NT5DC1: variants seen among roughly 807,000 people sequenced by gnomAD.
NT5DC1 encodes 5'-nucleotidase domain containing 1, also known as 5'-nucleotidase domain-containing protein 1.
Under a neutral mutation model 59.4 loss-of-function variants are expected in NT5DC1, and 42 were observed. That is an observed-to-expected ratio of 0.71 (90% confidence interval 0.55 to 0.92). NT5DC1 has a LOEUF of 0.92. NT5DC1 is among the 40% of genes least tolerant of loss of function. NT5DC1 has a pLI of 0.00. For synonymous variants in NT5DC1, 172 were observed against 188.1 expected (o/e 0.91, Z 0.70); for missense variants, 501 against 537.1 (o/e 0.93, Z 0.66).
chr6:116,141,667 C>A (rs1051484440), intron 6 of NT5DC1, among the ~76,000 whole-genome samples: 2 of 151,582 alleles, frequency 1.3e-5, no homozygotes, highest in African/African-American at 4.8e-5. Context: ...CTGTGTAAAT[C>A]ATTAACAGAA....
At chr6:116,137,438 G>T (rs751626040) in intron 6 of NT5DC1, 1 of 162,322 alleles carries the variant, frequency 6.2e-6, no homozygotes, top group Non-Finnish European at 1.4e-5. Context: ...TCTCACTCAC[G>T]TAGTACACCT....
intron 4 of NT5DC1, among the ~76,000 whole-genome samples, chr6:116,114,560 G>A: frequency 6.8e-6 from 1 of 147,142 alleles, no homozygotes; most frequent in African/African-American, 2.5e-5. Flanking sequence ...AAAATCAGGT[G>A]ATTATAATGA....
chr6:116,183,128 G>T (rs1780924038), intron 6 of NT5DC1, among the ~76,000 whole-genome samples: 1 of 151,920 alleles, frequency 6.6e-6, no homozygotes, highest in Admixed American at 6.6e-5. Context: ...TGTTGAATAG[G>T]GTATCCTTTC....
intron 6 of NT5DC1, among the ~76,000 whole-genome samples, chr6:116,184,651 A>G (rs1017697107): frequency 3.9e-5 from 6 of 151,990 alleles, no homozygotes; most frequent in Middle Eastern, 6.3e-3. Flanking sequence ...CATCTCCTCT[A>G]GGTTTTCTAG....
At chr6:116,102,029 T>A (rs1257991924) in intron 1 of NT5DC1, among the ~76,000 whole-genome samples, 2 of 152,222 alleles carry the variant, frequency 1.3e-5, no homozygotes, top group Non-Finnish European at 2.9e-5. Flanking sequence ...AATAATTGGA[T>A]TTACCTCACA....
chr6:116,121,467 G>A (rs1338359461), intron 6 of NT5DC1: 6 of 1,613,946 alleles, frequency 3.7e-6, no homozygotes, highest in Non-Finnish European at 5.1e-6. Context: ...CCCACTCCAG[G>A]AGGGCCAGAT....
intron 6 of NT5DC1, among the ~76,000 whole-genome samples, chr6:116,187,542 G>A (rs181431675): frequency 4.9e-4 from 75 of 152,178 alleles, no homozygotes; most frequent in African/African-American, 1.5e-3. Flanking sequence ...TCACTGAACC[G>A]GAGATGCCAG....
chr6:116,167,206 A>ATTTTTTTTTTTTTTTTTTTTTT (rs61348980), intron 6 of NT5DC1, among the ~76,000 whole-genome samples: 1 of 87,796 alleles, frequency 1.1e-5, no homozygotes. Flanking sequence ...CAAATAGAAG[A>ATTTTTTTTTTTTTTTTTTTTTT]TTTTTTTTTT....
chr6:116,121,365 GA>G, intron 6 of NT5DC1: 2 of 1,614,054 alleles, frequency 1.2e-6, no homozygotes, highest in Middle Eastern at 1.6e-4. Flanking sequence ...GGGCCTTGGG[GA>G]CCTGGTGGGC....
intron 3 of NT5DC1, 60 bp from the exon 4 acceptor site, chr6:116,110,790 T>G (rs766698808): frequency 8.6e-7 from 1 of 1,165,682 alleles, no homozygotes; most frequent in South Asian, 1.2e-5. Context: ...GTCACAATGA[T>G]AGAGGAAGGG....
In NT5DC1 at chr6:116,203,652, G is replaced by A. The variant is rs549620535; in HGVS notation, c.530-17402G>A. Among the ~76,000 whole-genome samples the A allele has an allele frequency of 2.0e-5, 3 of 151,686 alleles. No individual in the cohort carries two copies. The South Asian group carries it at 6.3e-4, about 32-fold the overall frequency. On this transcript the variant is annotated intron_variant, in intron 6 of 11. Transcript: ENST00000319550. ...TGGTAGACGTGAGTTAATTTAATTGGGGACTGTTATAAATAATGCCTCATG... is the reference window on the plus strand; with the variant it reads ...TGGTAGACGTGAGTTAATTTAATTGAGGACTGTTATAAATAATGCCTCATG...
chr6:116,226,958 C>T (rs1480419387), intron 8 of NT5DC1, among the ~76,000 whole-genome samples: 1 of 152,050 alleles, frequency 6.6e-6, no homozygotes, highest in African/African-American at 2.4e-5. Flanking sequence ...TATTACCTCA[C>T]ATTATCATTT....
chr6:116,163,919 A>G (rs1441955158), intron 6 of NT5DC1, among the ~76,000 whole-genome samples: 1 of 152,164 alleles, frequency 6.6e-6, no homozygotes, highest in African/African-American at 2.4e-5. Flanking sequence ...AGTTCCTTTC[A>G]GCATTCATTT....
At chr6:116,136,328 C>A (rs972556484) in intron 6 of NT5DC1, among the ~76,000 whole-genome samples, 16 of 148,498 alleles carry the variant, frequency 1.1e-4, no homozygotes, top group Non-Finnish European at 1.8e-4. Context: ...AATATGCACA[C>A]TTTTTTTTTT....
intron 4 of NT5DC1, among the ~76,000 whole-genome samples, chr6:116,111,634 G>A (rs1008469621): frequency 7.2e-5 from 11 of 152,082 alleles, no homozygotes; most frequent in Non-Finnish European, 1.0e-4. Flanking sequence ...GTATTGAATT[G>A]CACCTTTTCT....
chr6:116,121,565 A>G (rs1779128547), intron 6 of NT5DC1: 1 of 1,613,834 alleles, frequency 6.2e-7, no homozygotes. Flanking sequence ...CTGTCCATTC[A>G]TACCAGGGAC....
chr6:116,168,146 T>G (rs1780518836), intron 6 of NT5DC1, among the ~76,000 whole-genome samples: 1 of 151,366 alleles, frequency 6.6e-6, no homozygotes, highest in Non-Finnish European at 1.5e-5. Flanking sequence ...TTAACACCAT[T>G]GGTTTGTTTT....
At chr6:116,193,564 A>G (rs1781164334) in intron 6 of NT5DC1, among the ~76,000 whole-genome samples, 1 of 152,072 alleles carries the variant, frequency 6.6e-6, no homozygotes, top group South Asian at 2.1e-4. Context: ...ATATGCAAGC[A>G]ATGTTTCATA....
intron 6 of NT5DC1, among the ~76,000 whole-genome samples, chr6:116,197,287 A>G (rs1781252973): frequency 6.6e-6 from 1 of 152,002 alleles, no homozygotes; most frequent in African/African-American, 2.4e-5. Context: ...TAGTTTGTAG[A>G]CACCATTCCC....
Sources: gnomAD v4.1 joint callset for allele counts (sites outside exome capture counted in the v4.1 genomes callset) on GRCh38, gnomAD v4.1.1 for gene constraint, MANE v1.5 for transcripts, NCBI Gene and HGNC (gene_info 2026-07-23, HGNC 2026-07-21) for gene names.